The following TRIM62 variants were observed in gnomAD, a reference collection of about 807,000 sequenced individuals.
TRIM62 encodes the protein E3 ubiquitin-protein ligase TRIM62.
Under a neutral mutation model 44.2 loss-of-function variants are expected in TRIM62, and 39 were observed. That is an observed-to-expected ratio of 0.88 (90% CI 0.68 to 1.15). TRIM62 has a LOEUF of 1.15. Among genes scored for constraint, TRIM62 ranks in the 50% most tolerant of loss-of-function variants. The pLI, the probability that TRIM62 is intolerant of heterozygous loss-of-function variation, is 0.00. For synonymous variants in TRIM62, 278 were observed against 292.3 expected (o/e 0.95, Z 0.50); for missense variants, 544 against 665.5 (o/e 0.82, Z 2.01).
At position 33,161,697 on chromosome 1, in the gene TRIM62, G is replaced by A. The variant is rs114292777; in HGVS notation, c.505-1753C>T. Among the ~76,000 whole-genome samples the A allele has an allele frequency of 8.1e-3, 1,234 of 152,244 alleles. 17 individuals are homozygous for A. The highest frequency in any genetic ancestry group is 0.028 in the African/African-American group (1,174 of 41,530). On this transcript the variant is annotated intron_variant, in intron 2 of 4. Coordinates refer to ENST00000291416, the MANE Select transcript of TRIM62 (RefSeq NM_018207.3). The surrounding 1 kb of genome is among the most constrained non-coding windows in gnomAD (Gnocchi z 4.3). The stretch of plus-strand genomic sequence containing the variant: ...CTCTGCAGCGGCATGTTGCTGATGG[G>A]GAAGATGGGGTCCGTCGTCCCTGCA...
Position 33,165,659 on chromosome 1 carries a change from G to T in TRIM62, c.409-93C>A. On this transcript the variant is annotated intron_variant, in intron 1 of 4. Transcript: ENST00000291416. This position sits in a 1 kb window ranked among gnomAD's most constrained non-coding sequence, Gnocchi z 4.0. The stretch of plus-strand genomic sequence containing the variant: ...CTGCCAGGCGCTGGGGGTTAGCCTG[G>T]TCTCTGTCCCCAACCTCCAACACTT... The T allele has an allele frequency of 8.9e-7, 1 of 1,118,950 alleles. No homozygotes were observed. Among genetic ancestry groups the T allele is most frequent in the Non-Finnish European group, 1.2e-6 (1 of 817,154 alleles). 69.3% of individuals were successfully genotyped at this position (1,118,950 alleles called of 1,614,324 possible). A position where few individuals can be genotyped will look rare whatever the true frequency, so the allele number is the denominator to read the frequency against.
At position 33,147,843 on chromosome 1, in the gene TRIM62, G is replaced by C. The variant is rs1393277493; in HGVS notation, c.878-116C>G. ...GTACGCAGGAGGCCTCTGACCTGCT[G>C]TGTGACCTTGAATACAAGTCTGCCC... On this transcript the variant is annotated intron_variant, in intron 4 of 4. Coordinates refer to ENST00000291416, the MANE Select transcript of TRIM62 (RefSeq NM_018207.3). The surrounding 1 kb of genome is among the most constrained non-coding windows in gnomAD (Gnocchi z 8.1). 6.1e-6 allele frequency: 7 copies of C among 1,153,292 alleles called. No individual in the cohort carries two copies. The highest frequency in any genetic ancestry group is 3.1e-5 in the South Asian group (2 of 65,170). The allele number at this position is 1,153,292 out of a possible 1,614,324, so 71.4% of individuals were successfully genotyped here.
chr1:33,174,260 C>T (rs1645396618), intron 1 of TRIM62, among the ~76,000 whole-genome samples: 1 of 151,716 alleles, frequency 6.6e-6, no homozygotes. Flanking sequence ...CAGCTCACTG[C>T]AGTTTCAACC....
At position 33,164,269 on chromosome 1, in the gene TRIM62, C is replaced by T. The variant is rs997882485; in HGVS notation, c.504+1202G>A. 8 of 152,432 alleles carry T rather than the reference C, an allele frequency of 5.2e-5. No homozygotes were observed. The South Asian group carries it at 1.7e-3, about 32-fold the overall frequency. The allele number at this position is 152,432 out of a possible 1,614,324, so 9.4% of individuals were successfully genotyped here. A position where few individuals can be genotyped will look rare whatever the true frequency, so the allele number is the denominator to read the frequency against. On this transcript the variant is annotated intron_variant, in intron 2 of 4. Transcript: ENST00000291416. The stretch of plus-strand genomic sequence containing the variant: ...TTGGTGGCCAAGCTGGGGCATAGAT[C>T]TGGGTTTCCAATGGTGTCTTCAGGC...
chr1:33,169,297 C>T lies in TRIM62; in HGVS notation c.409-3731G>A, dbSNP rs917754695. 3.3e-5 allele frequency among the ~76,000 whole-genome samples: 5 copies of T among 152,188 alleles called. 1 individual carries two copies. Among genetic ancestry groups the T allele is most frequent in the African/African-American group, 1.2e-4 (5 of 41,440 alleles). Reference sequence around the variant, plus strand: ...CTAACTCCATCCCAGCCAGAAACCTCGGAGTGAGAGTCATCCTTGATTCCT... The same window carrying T: ...CTAACTCCATCCCAGCCAGAAACCTTGGAGTGAGAGTCATCCTTGATTCCT... On this transcript the variant is annotated intron_variant, in intron 1 of 4. Coordinates refer to ENST00000291416, the MANE Select transcript of TRIM62 (RefSeq NM_018207.3).
At position 33,147,648 on chromosome 1, in the gene TRIM62, G is replaced by A. The variant is rs141983608; in HGVS notation, c.957C>T (p.Tyr319=). The change falls in exon 5 of 5, where the codon TAC becomes TAT. Residue 319 remains tyrosine (Y), a synonymous_variant. Coordinates refer to ENST00000291416, the MANE Select transcript of TRIM62 (RefSeq NM_018207.3). The surrounding 1 kb of genome is among the most constrained non-coding windows in gnomAD (Gnocchi z 8.1). The part of the protein sequence containing the change: ...ILSDDCTIVA[Y]GNLHPQPLQD... ...GCAGTGGCTGTGGGTGCAAGTTGCC[G>A]TAAGCCACAATGGTGCAGTCGTCCG... 8.9e-5 allele frequency: 144 copies of A among 1,613,956 alleles called. No homozygotes were observed. The highest frequency in any genetic ancestry group is 1.3e-4 in the African/African-American group (10 of 75,066).
intron 4 of TRIM62, among the ~76,000 whole-genome samples, chr1:33,157,581 T>C (rs748753903): frequency 4.6e-5 from 7 of 152,102 alleles, no homozygotes; most frequent in Non-Finnish European, 8.8e-5. Flanking sequence ...GTAAGATGCG[T>C]GAGGGCAGGG....
chr1:33,170,350 T>C (rs1179790085), intron 1 of TRIM62, among the ~76,000 whole-genome samples: 2 of 151,438 alleles, frequency 1.3e-5, no homozygotes, highest in East Asian at 3.9e-4. Context: ...CCCTACTAGA[T>C]TGTACATTCC....
Position 33,147,569 on chromosome 1 carries a change from A to C in TRIM62, c.1036T>G (p.Phe346Val). The C allele has an allele frequency of 1.2e-6, 2 of 1,613,766 alleles. 1 individual carries two copies. Among genetic ancestry groups the C allele is most frequent in the South Asian group, 2.2e-5 (2 of 91,072 alleles). ...TCCCAGTAGTGGACGCCACTACTGAAGGCTTCAGAACCCAGCACCGACACC... is the reference window on the plus strand; with the variant it reads ...TCCCAGTAGTGGACGCCACTACTGACGGCTTCAGAACCCAGCACCGACACC... ...VEVSVLGSEA[F>V]SSGVHYWEVV... is the part of the protein sequence containing the mutation. Residue 346 changes from phenylalanine to valine, a missense_variant, in exon 5 of 5, where the codon TTC becomes GTC. Phe to Val is a conservative substitution (Grantham distance 50, BLOSUM62 -1). Transcript: ENST00000291416. The surrounding 1 kb of genome is among the most constrained non-coding windows in gnomAD (Gnocchi z 8.1).
At chr1:33,157,039 G>A (rs776624053) in intron 4 of TRIM62, among the ~76,000 whole-genome samples, 68 of 147,892 alleles carry the variant, frequency 4.6e-4, no homozygotes, top group Admixed American at 1.2e-3. Context: ...CACCCCCTTC[G>A]GTCTATTCTC....
intron 4 of TRIM62, among the ~76,000 whole-genome samples, chr1:33,149,108 C>A (rs1007006861): frequency 6.6e-6 from 1 of 152,196 alleles, no homozygotes. Context: ...GGTCACCCAG[C>A]AGATGTGCTC....
In TRIM62 at chr1:33,147,627, TGGCTGTGGG is replaced by T; in HGVS notation, c.969_977del (p.His323_Pro326delinsGln). 1 of 1,613,984 alleles carries T rather than the reference TGGCTGTGGG, an allele frequency of 6.2e-7. No homozygotes were observed. The highest frequency in any genetic ancestry group is 8.5e-7 in the Non-Finnish European group (1 of 1,180,034). On this transcript the variant is annotated inframe_deletion, in exon 5 of 5. Transcript: ENST00000291416. The surrounding 1 kb of genome is among the most constrained non-coding windows in gnomAD (Gnocchi z 8.1). The stretch of plus-strand genomic sequence containing the variant: ...CGAAGCGCTTTGGCGAGTCCTGCAG[TGGCTGTGGG>T]TGCAAGTTGCCGTAAGCCACAATGG...
intron 4 of TRIM62, among the ~76,000 whole-genome samples, chr1:33,155,117 G>A (rs1645159977): frequency 6.8e-6 from 1 of 146,132 alleles, no homozygotes; most frequent in Non-Finnish European, 1.5e-5. Context: ...TGTCGCCCAG[G>A]CTGTAGTGCA....
chr1:33,159,770 C>T lies in TRIM62; in HGVS notation c.679G>A (p.Glu227Lys). Residue 227 changes from glutamate to lysine, a missense_variant, in exon 3 of 5, where the codon GAG becomes AAG. Glu to Lys is a moderately conservative substitution (Grantham distance 56). Transcript: ENST00000291416. The surrounding 1 kb of genome is among the most constrained non-coding windows in gnomAD (Gnocchi z 4.2). Reference protein sequence around the residue: ...RYSQQLRKVQEGAQILQERLA... With the variant: ...RYSQQLRKVQKGAQILQERLA... ...CGCTCCTGCAGGATCTGGGCTCCCTCCTGGACCTTGCGCAGCTGCTGGCTG... is the reference window on the plus strand; with the variant it reads ...CGCTCCTGCAGGATCTGGGCTCCCTTCTGGACCTTGCGCAGCTGCTGGCTG... 1 of 1,613,752 alleles carries T rather than the reference C, an allele frequency of 6.2e-7. No individual in the cohort carries two copies. The highest frequency in any genetic ancestry group is 2.2e-5 in the East Asian group (1 of 44,884).
chr1:33,181,685 C>A lies in TRIM62; in HGVS notation c.-253G>T. On this transcript the variant is annotated 5_prime_UTR_variant, in exon 1 of 5. Transcript: ENST00000291416. This position sits in a 1 kb window ranked among gnomAD's most constrained non-coding sequence, Gnocchi z 6.5. ...GTAGTGGGCAGCTCAAGGCGATGGG[C>A]GCTGGGAGGAGGCTGTGAGCGGCTG... 1.8e-6 allele frequency: 1 copy of A among 561,040 alleles called. No individual in the cohort carries two copies. Among genetic ancestry groups the A allele is most frequent in the Non-Finnish European group, 3.0e-6 (1 of 334,480 alleles). The allele number at this position is 561,040 out of a possible 1,614,324, so 34.8% of individuals were successfully genotyped here. A position where few individuals can be genotyped will look rare whatever the true frequency, so the allele number is the denominator to read the frequency against.
chr1:33,181,141 TGTC>T lies in TRIM62; in HGVS notation c.289_291del (p.Asp97del), dbSNP rs1645459288. The stretch of plus-strand genomic sequence containing the variant: ...TCCGTGAGGCAGAAGAGCTTGACCT[TGTC>T]GTGCGCCTGGCAGGGTCGCGCGGCG... On this transcript the variant is annotated inframe_deletion, in exon 1 of 5. Transcript: ENST00000291416. This position sits in a 1 kb window ranked among gnomAD's most constrained non-coding sequence, Gnocchi z 6.5. 1.9e-6 allele frequency: 3 copies of T among 1,600,614 alleles called. No individual in the cohort carries two copies. Among genetic ancestry groups the T allele is most frequent in the Admixed American group, 1.7e-5 (1 of 59,718 alleles).
intron 1 of TRIM62, 57 bp downstream of exon 1, chr1:33,180,968 C>G: frequency 4.3e-6 from 2 of 464,824 alleles, no homozygotes; most frequent in Non-Finnish European, 7.9e-6. Flanking sequence ...CCACCCCCCG[C>G]CCGGCCCCAC....
At chr1:33,166,724 C>A (rs775576591) in intron 1 of TRIM62, among the ~76,000 whole-genome samples, 18 of 152,036 alleles carry the variant, frequency 1.2e-4, no homozygotes, top group Non-Finnish European at 2.2e-4. Context: ...CATGATGACT[C>A]CTGCGATGAA....
chr1:33,154,667 G>T (rs954527444), intron 4 of TRIM62, among the ~76,000 whole-genome samples: 1 of 151,324 alleles, frequency 6.6e-6, no homozygotes, highest in African/African-American at 2.4e-5. Flanking sequence ...GTGCAGTGGC[G>T]TGTGCCTGTA....
Sources: gnomAD v4.1 joint callset for allele counts (sites outside exome capture counted in the v4.1 genomes callset) on GRCh38, gnomAD v4.1.1 for gene constraint, Gnocchi (gnomAD v3.1) non-coding constraint, MANE v1.5 for transcripts, NCBI Gene and HGNC (gene_info 2026-07-23, HGNC 2026-07-21) for gene names.